The following SPAG16 variants were observed in gnomAD, a reference collection of about 807,000 sequenced individuals.
SPAG16 encodes the protein sperm associated antigen 16.
SPAG16 carries 86 observed loss-of-function variants against 80.4 expected under a neutral mutation model. That is an observed-to-expected ratio of 1.07 (90% confidence interval 0.90 to 1.28). SPAG16 has a LOEUF of 1.28. Ranked by LOEUF, SPAG16 falls within the 50% of genes most tolerant of loss-of-function variation. The pLI is 0.00. For missense variants in SPAG16, 870 were observed against 765.3 expected (o/e 1.14, Z -1.61); for synonymous variants, 294 against 265.9 (o/e 1.11, Z -1.03).
At chr2:213,401,579 A>T (rs2068311186) in intron 9 of SPAG16, among the ~76,000 whole-genome samples, 1 of 152,174 alleles carries the variant, frequency 6.6e-6, no homozygotes, top group African/African-American at 2.4e-5. Context: ...TCATGTTAGT[A>T]TTTGCCTGGT....
chr2:213,509,644 A>G, intron 10 of SPAG16, among the ~76,000 whole-genome samples: 1 of 152,202 alleles, frequency 6.6e-6, no homozygotes, highest in Non-Finnish European at 1.5e-5. Flanking sequence ...AACATACCAG[A>G]ATCTCTGGGA....
intron 12 of SPAG16, among the ~76,000 whole-genome samples, chr2:213,979,393 A>G (rs974300845): frequency 6.6e-6 from 1 of 152,136 alleles, no homozygotes; most frequent in African/African-American, 2.4e-5. Context: ...TCCTACTGCT[A>G]TAAAGAACTG....
At chr2:213,528,045 A>G (rs997594021) in intron 10 of SPAG16, among the ~76,000 whole-genome samples, 1 of 152,204 alleles carries the variant, frequency 6.6e-6, no homozygotes, top group Non-Finnish European at 1.5e-5. Flanking sequence ...TAAATATCAA[A>G]CAAGGTGGAT....
intron 10 of SPAG16, among the ~76,000 whole-genome samples, chr2:213,537,168 G>C (rs1164973292): frequency 1.8e-5 from 2 of 113,244 alleles, no homozygotes; most frequent in East Asian, 3.3e-4. Flanking sequence ...GTTGCGGGGT[G>C]GGGGGAGGGG....
At chr2:213,796,449 C>G (rs921699732) in intron 10 of SPAG16, among the ~76,000 whole-genome samples, 1 of 152,122 alleles carries the variant, frequency 6.6e-6, no homozygotes, top group African/African-American at 2.4e-5. Context: ...AGTTCATTCA[C>G]GTTGTAACAT....
chr2:213,478,571 G>A lies in SPAG16; in HGVS notation c.943-11392G>A, dbSNP rs184741607. 1.6e-4 allele frequency among the ~76,000 whole-genome samples: 24 copies of A among 152,196 alleles called. No individual in the cohort carries two copies. In the East Asian group the frequency reaches 3.9e-3, roughly 24 times the overall value. On this transcript the variant is annotated intron_variant, in intron 9 of 15. Transcript: ENST00000331683. ...AAATTACCACCTCTTCTCTACTCTC[G>A]AGGATGGTGATTCACTAGCAACAGT...
chr2:213,945,454 C>T (rs757892601), intron 12 of SPAG16, among the ~76,000 whole-genome samples: 2 of 151,788 alleles, frequency 1.3e-5, no homozygotes, highest in African/African-American at 2.4e-5. Context: ...AACTGAAGAA[C>T]GTGGAGTCAG....
At chr2:214,311,425 C>CTGTG in intron 15 of SPAG16, among the ~76,000 whole-genome samples, 1 of 152,286 alleles carries the variant, frequency 6.6e-6, no homozygotes, top group Middle Eastern at 3.4e-3. Flanking sequence ...CTGCCTCGTG[C>CTGTG]TGTGCCTGCT....
chr2:214,248,749 A>G (rs1054065127), intron 15 of SPAG16, among the ~76,000 whole-genome samples: 20 of 152,214 alleles, frequency 1.3e-4, no homozygotes, highest in Non-Finnish European at 2.6e-4. Context: ...AAAGGAGAGA[A>G]GCAATTGATA....
chr2:213,580,066 CT>C (rs1252731634), intron 10 of SPAG16, among the ~76,000 whole-genome samples: 9 of 152,040 alleles, frequency 5.9e-5, no homozygotes, highest in African/African-American at 2.2e-4. Context: ...TTCGTTCCCC[CT>C]GAAGCAAGCT....
At chr2:214,243,789 T>C (rs1448371259) in intron 15 of SPAG16, among the ~76,000 whole-genome samples, 2 of 152,234 alleles carry the variant, frequency 1.3e-5, no homozygotes, top group East Asian at 3.9e-4. Context: ...TCAAACAATA[T>C]AGAGTTTGGA....
chr2:214,356,935 C>A (rs1465123674), intron 15 of SPAG16, among the ~76,000 whole-genome samples: 2 of 151,876 alleles, frequency 1.3e-5, no homozygotes, highest in Non-Finnish European at 1.5e-5. Context: ...GCAGTCCATT[C>A]ATCCCAAGTA....
chr2:213,449,106 C>A (rs924309379), intron 9 of SPAG16, among the ~76,000 whole-genome samples: 3 of 152,010 alleles, frequency 2.0e-5, no homozygotes, highest in African/African-American at 7.3e-5. Flanking sequence ...TATAAATGGC[C>A]GCTCTGGGAA....
At chr2:213,672,949 C>A (rs2063878588) in intron 10 of SPAG16, among the ~76,000 whole-genome samples, 1 of 150,540 alleles carries the variant, frequency 6.6e-6, no homozygotes, top group South Asian at 2.1e-4. Context: ...AGCTCCGCCT[C>A]CTGGGTTCAC....
chr2:214,303,118 C>A (rs1031725313), intron 15 of SPAG16, among the ~76,000 whole-genome samples: 5 of 152,176 alleles, frequency 3.3e-5, no homozygotes, highest in Admixed American at 6.5e-5. Context: ...TGTATGCCAA[C>A]TATGTTCAAA....
At chr2:213,387,439 T>C (rs1189497146) in intron 9 of SPAG16, among the ~76,000 whole-genome samples, 1 of 26,310 alleles carries the variant, frequency 3.8e-5, no homozygotes, top group Non-Finnish European at 6.7e-5. Context: ...CTCTTTTTTT[T>C]TTTTTTTTTT....
chr2:213,918,370 G>A (rs1214712713), intron 11 of SPAG16, among the ~76,000 whole-genome samples: 1 of 151,648 alleles, frequency 6.6e-6, no homozygotes, highest in African/African-American at 2.4e-5. Context: ...TATACATATG[G>A]TAGAATTTGG....
intron 10 of SPAG16, among the ~76,000 whole-genome samples, chr2:213,663,553 A>T (rs2063497813): frequency 1.3e-5 from 2 of 152,076 alleles, no homozygotes; most frequent in African/African-American, 4.8e-5. Flanking sequence ...AATCACTAAA[A>T]CTTTTATGGA....
rs2060198427 is a variant in SPAG16, at chr2:213,578,405, A to T, written c.1070+88315A>T. 2.0e-5 allele frequency among the ~76,000 whole-genome samples: 3 copies of T among 152,166 alleles called. No individual in the cohort carries two copies. The South Asian group carries it at 6.2e-4, about 32-fold the overall frequency. On this transcript the variant is annotated intron_variant, in intron 10 of 15. Coordinates refer to ENST00000331683, the MANE Select transcript of SPAG16 (RefSeq NM_024532.5). Reference sequence around the variant, plus strand: ...AAGATGCTAAGGTGTGTATTCTTTGAAATTATATTGGTTGTACAAAAAATA... The same window carrying T: ...AAGATGCTAAGGTGTGTATTCTTTGTAATTATATTGGTTGTACAAAAAATA...
Sources: allele counts gnomAD v4.1 joint callset (sites outside exome capture counted in the v4.1 genomes callset), GRCh38; gene constraint gnomAD v4.1.1; transcripts MANE v1.5; gene names NCBI Gene and HGNC (gene_info 2026-07-23, HGNC 2026-07-21).